The following TBC1D5 variants were observed in gnomAD, a reference collection of about 807,000 sequenced individuals.
The protein encoded by TBC1D5 is TBC1 domain family member 5, also known as TBC1 domain family, member 5.
In TBC1D5, 75 loss-of-function variants were observed where a neutral mutation model predicts 100.3. The observed-to-expected ratio is 0.75, with a 90% CI of 0.62 to 0.91. The LOEUF (loss-of-function observed/expected upper bound fraction) is 0.91, where lower values mean the gene tolerates loss of function less well. Among genes scored for constraint, TBC1D5 ranks in the 40% least tolerant of loss-of-function variants. The pLI is 0.00. For missense variants in TBC1D5, 910 were observed against 942.4 expected (o/e 0.97, Z 0.45); for synonymous variants, 323 against 325.6 (o/e 0.99, Z 0.09).
At chr3:17,701,625 CT>C (rs563560442) in intron 1 of TBC1D5, among the ~76,000 whole-genome samples, 4 of 148,920 alleles carry the variant, frequency 2.7e-5, no homozygotes, top group African/African-American at 4.9e-5. Context: ...ACAAAAAAGA[CT>C]TTTTTTTTTA....
At chr3:17,616,416 G>C (rs1638964888) in intron 2 of TBC1D5, among the ~76,000 whole-genome samples, 1 of 151,792 alleles carries the variant, frequency 6.6e-6, no homozygotes, top group Non-Finnish European at 1.5e-5. Context: ...AATTAGTGCA[G>C]AGCTGAGTTC....
intron 1 of TBC1D5, among the ~76,000 whole-genome samples, chr3:17,640,338 CTTTA>C (rs1466391761): frequency 1.3e-5 from 2 of 152,016 alleles, no homozygotes; most frequent in African/African-American, 4.8e-5. Flanking sequence ...CTTTATTAAA[CTTTA>C]TTTAACTTTA....
intron 17 of TBC1D5, among the ~76,000 whole-genome samples, chr3:17,227,285 T>C (rs1314129140): frequency 1.3e-5 from 2 of 152,122 alleles, no homozygotes; most frequent in Non-Finnish European, 2.9e-5. Context: ...TTCAAAGGCA[T>C]TGTACTAGGA....
intron 10 of TBC1D5, among the ~76,000 whole-genome samples, chr3:17,374,992 C>T (rs1352115674): frequency 6.6e-6 from 1 of 152,154 alleles, no homozygotes; most frequent in Admixed American, 6.6e-5. Context: ...CAATCTATCA[C>T]TTGTTGTCCA....
chr3:17,706,166 G>C (rs889263706), intron 1 of TBC1D5: 3 of 1,575,300 alleles, frequency 1.9e-6, no homozygotes, highest in East Asian at 2.4e-5. Flanking sequence ...GGGAGACATC[G>C]GCAGGCAGCC....
At chr3:17,345,281 A>G (rs1428257117) in intron 13 of TBC1D5, among the ~76,000 whole-genome samples, 2 of 152,258 alleles carry the variant, frequency 1.3e-5, no homozygotes, top group African/African-American at 4.8e-5. Context: ...ACACTTTCCA[A>G]AAGAAGACAT....
intron 3 of TBC1D5, among the ~76,000 whole-genome samples, chr3:17,504,084 G>A (rs2095815569): frequency 2.5e-5 from 1 of 40,084 alleles, no homozygotes; most frequent in Non-Finnish European, 5.1e-5. Context: ...AATTATCAGG[G>A]ACAATAAAAC....
chr3:17,278,942 A>G (rs1302589867), intron 15 of TBC1D5, among the ~76,000 whole-genome samples: 2 of 152,258 alleles, frequency 1.3e-5, no homozygotes, highest in Non-Finnish European at 2.9e-5. Context: ...AGAATTTTTA[A>G]TAAGTGACAC....
intron 3 of TBC1D5, 79 bp downstream of exon 3, chr3:17,508,395 G>A: frequency 1.9e-6 from 2 of 1,080,102 alleles, no homozygotes; most frequent in Non-Finnish European, 2.9e-6. Context: ...CACACATAAG[G>A]TGGACACAGC....
intron 2 of TBC1D5, among the ~76,000 whole-genome samples, chr3:17,593,074 A>G (rs374738599): frequency 6.6e-6 from 1 of 152,156 alleles, no homozygotes; most frequent in Admixed American, 6.5e-5. Flanking sequence ...CAAGTAAGTT[A>G]CATGAGGAAG....
chr3:17,528,321 TGGAG>T (rs2096167713), intron 2 of TBC1D5, among the ~76,000 whole-genome samples: 5 of 152,322 alleles, frequency 3.3e-5, no homozygotes, highest in Admixed American at 2.6e-4. Flanking sequence ...TTAAAAGGGC[TGGAG>T]GGAACTAGCT....
intron 18 of TBC1D5, among the ~76,000 whole-genome samples, chr3:17,195,802 G>C (rs1364247242): frequency 1.3e-5 from 2 of 148,556 alleles, no homozygotes; most frequent in Non-Finnish European, 3.0e-5. Flanking sequence ...GAGACTTCTG[G>C]AAAGAAAAAA....
intron 2 of TBC1D5, among the ~76,000 whole-genome samples, chr3:17,581,483 C>T (rs1413972873): frequency 6.6e-6 from 1 of 152,134 alleles, no homozygotes; most frequent in African/African-American, 2.4e-5. Context: ...GATCTTCTCC[C>T]AGAAATGTAC....
At chr3:17,504,128 A>T (rs1453984727) in intron 3 of TBC1D5, among the ~76,000 whole-genome samples, 3 of 3,576 alleles carry the variant, frequency 8.4e-4, no homozygotes, top group Non-Finnish European at 1.7e-3. Flanking sequence ...GATAGGAAAG[A>T]GAAAGACAGA....
chr3:17,254,772 G>GT (rs1309745891), intron 16 of TBC1D5, among the ~76,000 whole-genome samples: 1 of 98,680 alleles, frequency 1.0e-5, no homozygotes, highest in African/African-American at 4.1e-5. Flanking sequence ...GGGGTGGGGG[G>GT]GGGGTCCCAA....
At chr3:17,618,870 G>A (rs2153642297) in intron 2 of TBC1D5, among the ~76,000 whole-genome samples, 1 of 152,310 alleles carries the variant, frequency 6.6e-6, no homozygotes, top group East Asian at 1.9e-4. Context: ...TTGAGGTGAT[G>A]CCCCGCCTTG....
chr3:17,730,517 G>A (rs2076471291), intron 1 of TBC1D5, among the ~76,000 whole-genome samples: 1 of 152,304 alleles, frequency 6.6e-6, no homozygotes, highest in South Asian at 2.1e-4. Context: ...CCCTAGCTGA[G>A]CTCCTGGACA....
chr3:17,420,236 C>T (rs886103500), intron 4 of TBC1D5, among the ~76,000 whole-genome samples: 5 of 151,164 alleles, frequency 3.3e-5, no homozygotes, highest in Non-Finnish European at 5.9e-5. Context: ...TATAGACAAA[C>T]GTTGAAAAAG....
intron 3 of TBC1D5, among the ~76,000 whole-genome samples, chr3:17,507,465 T>TA (rs1464373186): frequency 4.6e-5 from 7 of 152,248 alleles, no homozygotes; most frequent in South Asian, 4.1e-4. Context: ...ACAAAAAGCA[T>TA]AAAAATTCTG....
Sources: allele counts gnomAD v4.1 joint callset (sites outside exome capture counted in the v4.1 genomes callset), GRCh38; gene constraint gnomAD v4.1.1; transcripts MANE v1.5; gene names NCBI Gene and HGNC (gene_info 2026-07-23, HGNC 2026-07-21).